The following EMILIN2 variants were observed in gnomAD, a reference collection of about 807,000 sequenced individuals.
The protein encoded by EMILIN2 is elastin microfibril interfacer 2, also known as EMILIN-2.
A neutral mutation model predicts 87.1 loss-of-function variants in EMILIN2; 71 were observed. The ratio of observed to expected loss-of-function variants is 0.82; its 90% confidence interval spans 0.67 to 0.99. The LOEUF (loss-of-function observed/expected upper bound fraction) is 0.99, where lower values mean the gene tolerates loss of function less well. Ranked by LOEUF, EMILIN2 falls within the 50% of genes least tolerant of loss-of-function variation. EMILIN2 has a pLI of 0.00. For missense variants in EMILIN2, 1,407 were observed against 1,371.8 expected (o/e 1.03, Z -0.40); for synonymous variants, 581 against 563.4 (o/e 1.03, Z -0.44).
At chr18:2,854,126 T>C (rs1294723605) in intron 2 of EMILIN2, among the ~76,000 whole-genome samples, 2 of 152,138 alleles carry the variant, frequency 1.3e-5, no homozygotes, top group South Asian at 2.1e-4. Flanking sequence ...AACTCAGGGC[T>C]GAGTTTCTGT....
intron 2 of EMILIN2, among the ~76,000 whole-genome samples, chr18:2,855,483 T>C (rs1030686596): frequency 6.6e-6 from 1 of 152,210 alleles, no homozygotes; most frequent in African/African-American, 2.4e-5. Context: ...CTGCTTTTTG[T>C]TAGAACTTGT....
intron 4 of EMILIN2, among the ~76,000 whole-genome samples, chr18:2,899,762 C>G (rs753526203): frequency 5.3e-5 from 8 of 152,154 alleles, no homozygotes; most frequent in Non-Finnish European, 1.0e-4. Context: ...CCTCAGCCTC[C>G]CAAAGTGCTG....
At chr18:2,884,025 G>A (rs1248531) in intron 2 of EMILIN2, among the ~76,000 whole-genome samples, 19 of 150,500 alleles carry the variant, frequency 1.3e-4, no homozygotes, top group East Asian at 4.0e-4. Flanking sequence ...GCGCGATCTC[G>A]GCTCACTGCA....
chr18:2,909,734 C>G lies in EMILIN2; in HGVS notation c.2739C>G (p.Thr913=). The part of the protein sequence containing the change: ...PSLVSFSAGL[T]QKPFPSDGGV... ...TGGTGTCTTTTTCTGCGGGGCTCAC[C>G]CAGAAGCCTTTCCCCAGTGATGGGG... The change falls in exon 7 of 8, where the codon ACC becomes ACG. Residue 913 remains threonine, a synonymous_variant. Coordinates refer to ENST00000254528, the MANE Select transcript of EMILIN2 (RefSeq NM_032048.3). The G allele has an allele frequency of 6.2e-7, 1 of 1,613,882 alleles. No homozygotes were observed. Among genetic ancestry groups the G allele is most frequent in the Non-Finnish European group, 8.5e-7 (1 of 1,179,912 alleles).
intron 4 of EMILIN2, among the ~76,000 whole-genome samples, chr18:2,899,031 G>A (rs920937186): frequency 1.3e-5 from 2 of 152,074 alleles, no homozygotes; most frequent in Admixed American, 6.6e-5. Flanking sequence ...TGCAGTGTTC[G>A]GAGAATGGAG....
Position 2,906,942 on chromosome 18 carries a change from G to A in EMILIN2, c.2519G>A (p.Gly840Asp). ...PPEERPPQPPGSTGVIAETGQ... is the reference protein window; with the variant it reads ...PPEERPPQPPDSTGVIAETGQ... ...GAGGAGAGGCCGCCCCAGCCGCCAG[G>A]CTCCACCGGGGTCATCGCGGAGACG... The change falls in exon 5 of 8, where the codon GGC becomes GAC. Residue 840 changes from glycine (G) to aspartate (D), a missense_variant. Physicochemically the swap from Gly to Asp is moderately conservative, Grantham distance 94 (BLOSUM62 -1). Coordinates refer to ENST00000254528, the MANE Select transcript of EMILIN2 (RefSeq NM_032048.3). 2 of 1,400,002 alleles carry A rather than the reference G, an allele frequency of 1.4e-6. No homozygotes were observed. The highest frequency in any genetic ancestry group is 1.9e-6 in the Non-Finnish European group (2 of 1,074,816). The allele number at this position is 1,400,002 out of a possible 1,614,324, so 86.7% of individuals were successfully genotyped here.
At chr18:2,906,756 T>A in intron 4 of EMILIN2, 27 bp from the exon 5 acceptor site, 2 of 1,270,656 alleles carry the variant, frequency 1.6e-6, no homozygotes, top group Non-Finnish European at 2.0e-6. Flanking sequence ...TAATCCCGTG[T>A]GTTTCTTTCT....
At position 2,913,028 on chromosome 18, in the gene EMILIN2, G is replaced by C. The variant is rs183506472; in HGVS notation, c.2825-39G>C. On this transcript the variant is annotated intron_variant, in intron 7 of 7. Coordinates refer to ENST00000254528, the MANE Select transcript of EMILIN2 (RefSeq NM_032048.3). ...TTACTACCATGGCAAGGGCTGTGAC[G>C]ACAGCAGGTGAGCACAGGGTTTGCC... The C allele has an allele frequency of 1.7e-3, 2,658 of 1,596,956 alleles. 34 individuals carry two copies. The African/African-American group carries it at 0.029, about 18-fold the overall frequency.
At chr18:2,911,206 G>A (rs1378021354) in intron 7 of EMILIN2, among the ~76,000 whole-genome samples, 1 of 152,198 alleles carries the variant, frequency 6.6e-6, no homozygotes, top group Non-Finnish European at 1.5e-5. Context: ...TTATACATTG[G>A]CATGCTTCCA....
Position 2,847,075 on chromosome 18 carries a change from C to A in EMILIN2, c.-114C>A. On this transcript the variant is annotated 5_prime_UTR_variant, in exon 1 of 8. Transcript: ENST00000254528. This position sits in a 1 kb window ranked among gnomAD's most constrained non-coding sequence, Gnocchi z 4.5. ...GCACTGGTTGGAGCGCCGCGAAGCG[C>A]CCGAGCCTCTTGCCTTCGCGGGCGG... 3 of 1,085,046 alleles carry A rather than the reference C, an allele frequency of 2.8e-6. No individual in the cohort carries two copies. The highest frequency in any genetic ancestry group is 3.4e-6 in the Non-Finnish European group (3 of 885,532). 67.2% of individuals were successfully genotyped at this position (1,085,046 alleles called of 1,614,324 possible). A position where few individuals can be genotyped will look rare whatever the true frequency, so the allele number is the denominator to read the frequency against.
Position 2,847,198 on chromosome 18 carries a change from C to A in EMILIN2, c.10C>A (p.Pro4Thr). Reference sequence around the variant, plus strand: ...GCCCGCTGCGCGCGGGATGTGGCAGCCCAGACGGCCCTGGCCCCGCGTGCC... The same window carrying A: ...GCCCGCTGCGCGCGGGATGTGGCAGACCAGACGGCCCTGGCCCCGCGTGCC... MWQ[P>T]RRPWPRVPWR... Residue 4 changes from proline (P) to threonine (T), a missense_variant, in exon 1 of 8, where the codon CCC (proline) becomes ACC (threonine). Pro to Thr is a conservative substitution (Grantham distance 38). Coordinates refer to ENST00000254528, the MANE Select transcript of EMILIN2 (RefSeq NM_032048.3). This position sits in a 1 kb window ranked among gnomAD's most constrained non-coding sequence, Gnocchi z 4.5. 8.4e-7 allele frequency: 1 copy of A among 1,191,050 alleles called. No individual in the cohort carries two copies. The highest frequency in any genetic ancestry group is 1.0e-6 in the Non-Finnish European group (1 of 963,844). 73.8% of individuals were successfully genotyped at this position (1,191,050 alleles called of 1,614,324 possible). A position where few individuals can be genotyped will look rare whatever the true frequency, so the allele number is the denominator to read the frequency against.
Position 2,891,750 on chromosome 18 carries a change from C to T in EMILIN2, c.1623C>T (p.His541=), listed in dbSNP as rs757318709. The change falls in exon 4 of 8, where the codon CAC becomes CAT. Residue 541 remains histidine (H), a synonymous_variant. Coordinates refer to ENST00000254528, the MANE Select transcript of EMILIN2 (RefSeq NM_032048.3). The surrounding 1 kb of genome is among the most constrained non-coding windows in gnomAD (Gnocchi z 4.6). The stretch of plus-strand genomic sequence containing the variant: ...AACGGGTCATGATGGAATTAAACCA[C>T]CTGAAGGACAAAGTTCAAGTTGTTG... ...GDERVMMELN[H]LKDKVQVVED... The T allele has an allele frequency of 6.2e-7, 1 of 1,614,156 alleles. No individual in the cohort carries two copies. The highest frequency in any genetic ancestry group is 1.7e-5 in the Admixed American group (1 of 60,020).
intron 2 of EMILIN2, among the ~76,000 whole-genome samples, chr18:2,873,577 G>A (rs1052280790): frequency 6.6e-6 from 1 of 150,702 alleles, no homozygotes; most frequent in Non-Finnish European, 1.5e-5. Context: ...CGTGGTGGCG[G>A]GCGCCTGTAG....
intron 2 of EMILIN2, among the ~76,000 whole-genome samples, chr18:2,856,556 T>C (rs888567169): frequency 1.3e-5 from 2 of 152,216 alleles, no homozygotes; most frequent in Non-Finnish European, 2.9e-5. Context: ...GTTACTAACA[T>C]GTGCTGCGTG....
At chr18:2,857,090 C>T (rs1199868183) in intron 2 of EMILIN2, among the ~76,000 whole-genome samples, 1 of 152,132 alleles carries the variant, frequency 6.6e-6, no homozygotes, top group Non-Finnish European at 1.5e-5. Flanking sequence ...ACTCAGCTGC[C>T]CTTTTTTTGT....
chr18:2,913,039 A>G (rs1339837608), intron 7 of EMILIN2, 28 bp from the exon 8 acceptor site: 2 of 1,602,532 alleles, frequency 1.2e-6, no homozygotes, highest in East Asian at 2.2e-5. Flanking sequence ...ACAGCAGGTG[A>G]GCACAGGGTT....
chr18:2,870,661 G>A (rs1270911555), intron 2 of EMILIN2, among the ~76,000 whole-genome samples: 6 of 152,246 alleles, frequency 3.9e-5, no homozygotes, highest in African/African-American at 4.8e-5. Context: ...AAGTGGTGAC[G>A]TCTTATGGCT....
At chr18:2,904,635 T>C (rs948346925) in intron 4 of EMILIN2, among the ~76,000 whole-genome samples, 7 of 152,248 alleles carry the variant, frequency 4.6e-5, no homozygotes, top group Non-Finnish European at 1.0e-4. Flanking sequence ...AATTCTTGCA[T>C]CTTGGATGCA....
chr18:2,847,050 G>A lies in EMILIN2; in HGVS notation c.-139G>A. 9.4e-7 allele frequency: 1 copy of A among 1,068,912 alleles called. No homozygotes were observed. Among genetic ancestry groups the A allele is most frequent in the Non-Finnish European group, 1.1e-6 (1 of 877,702 alleles). The allele number at this position is 1,068,912 out of a possible 1,614,324, so 66.2% of individuals were successfully genotyped here. A position where few individuals can be genotyped will look rare whatever the true frequency, so the allele number is the denominator to read the frequency against. On this transcript the variant is annotated 5_prime_UTR_variant, in exon 1 of 8. Coordinates refer to ENST00000254528, the MANE Select transcript of EMILIN2 (RefSeq NM_032048.3). This position sits in a 1 kb window ranked among gnomAD's most constrained non-coding sequence, Gnocchi z 4.5. Reference sequence around the variant, plus strand: ...AGAAGCCGGAGGGGGCGGCCGCGGAGCACTGGTTGGAGCGCCGCGAAGCGC... The same window carrying A: ...AGAAGCCGGAGGGGGCGGCCGCGGAACACTGGTTGGAGCGCCGCGAAGCGC...
Sources: allele counts gnomAD v4.1 joint callset (sites outside exome capture counted in the v4.1 genomes callset), GRCh38; gene constraint gnomAD v4.1.1; non-coding constraint Gnocchi (gnomAD v3.1); transcripts MANE v1.5; gene names NCBI Gene and HGNC (gene_info 2026-07-23, HGNC 2026-07-21).